TSPAN13: variants seen among roughly 807,000 people sequenced by gnomAD.
TSPAN13 encodes the protein tetraspanin-13.
In TSPAN13, 18 loss-of-function variants were observed where a neutral mutation model predicts 26.9. That is an observed-to-expected ratio of 0.67 (90% CI 0.46 to 0.99). TSPAN13 has a LOEUF of 0.99. Ranked by LOEUF, TSPAN13 falls within the 50% of genes least tolerant of loss-of-function variation. The pLI, the probability that TSPAN13 is intolerant of heterozygous loss-of-function variation, is 0.00. For missense variants in TSPAN13, 201 were observed against 249.6 expected, an observed-to-expected ratio of 0.81 and a Z score of 1.31; for synonymous variants, 116 against 98.4, an observed-to-expected ratio of 1.18 and a Z score of -1.06.
At chr7:16,765,803 T>C (rs1784598131) in intron 1 of TSPAN13, among the ~76,000 whole-genome samples, 1 of 152,238 alleles carries the variant, frequency 6.6e-6, no homozygotes, top group Non-Finnish European at 1.5e-5. Context: ...TTCCAGTTGA[T>C]TTCATAAGGA....
At chr7:16,765,127 G>A (rs1214616107) in intron 1 of TSPAN13, among the ~76,000 whole-genome samples, 1 of 152,102 alleles carries the variant, frequency 6.6e-6, no homozygotes, top group African/African-American at 2.4e-5. Flanking sequence ...TTTTGAGACA[G>A]GGTCTTGCTC....
Position 16,777,835 on chromosome 7 carries a change from G to A in TSPAN13, c.350G>A (p.Ser117Asn). 1 of 1,613,934 alleles carries A rather than the reference G, an allele frequency of 6.2e-7. No homozygotes were observed. Among genetic ancestry groups the A allele is most frequent in the Non-Finnish European group, 8.5e-7 (1 of 1,179,868 alleles). Reference sequence around the variant, plus strand: ...GAGGTTGGTTGGAACAATACGGCAAGTGCTCGAAATGACATCCAGAGAAAT... The same window carrying A: ...GAGGTTGGTTGGAACAATACGGCAAATGCTCGAAATGACATCCAGAGAAAT... ...LLEVGWNNTA[S>N]ARNDIQRNLN... The change falls in exon 4 of 6, where the codon AGT becomes AAT. Residue 117 changes from serine (S) to asparagine (N), a missense_variant. Transcript: ENST00000262067.
chr7:16,764,220 G>A (rs1451982689), intron 1 of TSPAN13, among the ~76,000 whole-genome samples: 2 of 151,120 alleles, frequency 1.3e-5, no homozygotes, highest in Non-Finnish European at 2.9e-5. Context: ...GTAGAGATGG[G>A]GTTTCACCAT....
chr7:16,755,533 T>G (rs1311812990), intron 1 of TSPAN13, among the ~76,000 whole-genome samples: 1 of 137,312 alleles, frequency 7.3e-6, no homozygotes, highest in Non-Finnish European at 1.5e-5. Context: ...GCTGACCAGT[T>G]CTCTAGGGTT....
intron 1 of TSPAN13, among the ~76,000 whole-genome samples, chr7:16,768,930 G>A (rs567011581): frequency 2.0e-5 from 3 of 152,094 alleles, no homozygotes; most frequent in Non-Finnish European, 4.4e-5. Flanking sequence ...AGGGTGGAGT[G>A]CAGTGGCGTG....
At chr7:16,779,644 T>C (rs1445016820) in intron 5 of TSPAN13, among the ~76,000 whole-genome samples, 1 of 152,072 alleles carries the variant, frequency 6.6e-6, no homozygotes, top group Admixed American at 6.6e-5. Flanking sequence ...TAATATATAG[T>C]ACAATATTTA....
chr7:16,763,436 A>C (rs56937850), intron 1 of TSPAN13, among the ~76,000 whole-genome samples: 2 of 152,264 alleles, frequency 1.3e-5, no homozygotes, highest in African/African-American at 2.4e-5. Flanking sequence ...TGGGACATCC[A>C]GTAGTTGGGT....
At chr7:16,764,001 T>C (rs1247617967) in intron 1 of TSPAN13, among the ~76,000 whole-genome samples, 1 of 152,128 alleles carries the variant, frequency 6.6e-6, no homozygotes, top group Non-Finnish European at 1.5e-5. Context: ...ACATTATGCA[T>C]ATATCTTTCT....
chr7:16,771,039 A>G (rs533673905), intron 1 of TSPAN13, among the ~76,000 whole-genome samples: 2 of 152,344 alleles, frequency 1.3e-5, no homozygotes, highest in South Asian at 4.1e-4. Context: ...CAAGGGTCTC[A>G]GTTCCACTTC....
At chr7:16,758,027 G>A (rs1401668004) in intron 1 of TSPAN13, among the ~76,000 whole-genome samples, 2 of 152,086 alleles carry the variant, frequency 1.3e-5, no homozygotes, top group East Asian at 1.9e-4. Flanking sequence ...TAGAGACGGG[G>A]TTTCGCCGTG....
chr7:16,753,867 C>T lies in TSPAN13; in HGVS notation c.-101C>T. 7.6e-7 allele frequency: 1 copy of T among 1,308,356 alleles called. No individual in the cohort carries two copies. Among genetic ancestry groups the T allele is most frequent in the Non-Finnish European group, 1.1e-6 (1 of 926,692 alleles). The allele number at this position is 1,308,356 out of a possible 1,614,324, so 81.0% of individuals were successfully genotyped here. A position where few individuals can be genotyped will look rare whatever the true frequency, so the allele number is the denominator to read the frequency against. The stretch of plus-strand genomic sequence containing the variant: ...CCCCCACCCACGTCTGCGTTGCTGC[C>T]CCGCCTGGGCCAGGCCCCAAAGGCA... On this transcript the variant is annotated 5_prime_UTR_variant, in exon 1 of 6. Coordinates refer to ENST00000262067, the MANE Select transcript of TSPAN13 (RefSeq NM_014399.4).
intron 1 of TSPAN13, among the ~76,000 whole-genome samples, chr7:16,755,415 G>A (rs1784471257): frequency 6.6e-6 from 1 of 152,062 alleles, no homozygotes. Context: ...AAAAATTTTA[G>A]AACACCTGGT....
chr7:16,767,111 A>G (rs954570276), intron 1 of TSPAN13, among the ~76,000 whole-genome samples: 1 of 152,090 alleles, frequency 6.6e-6, no homozygotes, highest in Non-Finnish European at 1.5e-5. Context: ...GAACCCAGCT[A>G]ATCTCTCTTT....
chr7:16,777,085 T>G lies in TSPAN13; in HGVS notation c.275T>G (p.Val92Gly), dbSNP rs1784759655. 6.2e-7 allele frequency: 1 copy of G among 1,613,830 alleles called. No homozygotes were observed. Among genetic ancestry groups the G allele is most frequent in the Non-Finnish European group, 8.5e-7 (1 of 1,179,840 alleles). ...LLLVFIVQFS[V>G]SCACLALNQE... ...CTTGTATTTATTGTTCAGTTTTCTG[T>G]ATCTTGCGCTTGTTTAGCCCTGAAC... The change falls in exon 3 of 6, where the codon GTA (valine) becomes GGA (glycine). Residue 92 changes from valine (V) to glycine (G), a missense_variant. Transcript: ENST00000262067.
intron 1 of TSPAN13, among the ~76,000 whole-genome samples, chr7:16,766,239 T>C (rs1221733258): frequency 6.6e-6 from 1 of 152,230 alleles, no homozygotes; most frequent in East Asian, 1.9e-4. Flanking sequence ...AAATCCAACA[T>C]ATTTTTGGGT....
intron 4 of TSPAN13, 84 bp from the exon 5 acceptor site, chr7:16,778,919 C>A (rs567243094): frequency 1.0e-6 from 1 of 961,726 alleles, no homozygotes; most frequent in Non-Finnish European, 1.6e-6. Flanking sequence ...TACTCTTAGA[C>A]ACTAATTTTG....
chr7:16,771,364 T>C (rs1334191332), intron 1 of TSPAN13, among the ~76,000 whole-genome samples: 4 of 152,214 alleles, frequency 2.6e-5, no homozygotes, highest in African/African-American at 9.7e-5. Context: ...CAAAAAGTCG[T>C]TCATATCCTA....
intron 1 of TSPAN13, among the ~76,000 whole-genome samples, chr7:16,763,437 G>C (rs867430052): frequency 6.6e-6 from 1 of 152,216 alleles, no homozygotes; most frequent in East Asian, 1.9e-4. Context: ...GGGACATCCA[G>C]TAGTTGGGTC....
chr7:16,771,228 C>T (rs542166291), intron 1 of TSPAN13, among the ~76,000 whole-genome samples: 10 of 152,180 alleles, frequency 6.6e-5, no homozygotes, highest in South Asian at 2.1e-4. Context: ...TGCTCACTTA[C>T]GTATTTAAAT....
Sources: allele counts gnomAD v4.1 joint callset (sites outside exome capture counted in the v4.1 genomes callset), GRCh38; gene constraint gnomAD v4.1.1; transcripts MANE v1.5; gene names NCBI Gene and HGNC (gene_info 2026-07-23, HGNC 2026-07-21).